PREX2: variants seen among roughly 807,000 people sequenced by gnomAD.
PREX2 encodes phosphatidylinositol-3,4,5-trisphosphate dependent Rac exchange factor 2.
Under a neutral mutation model 203.2 loss-of-function variants are expected in PREX2, and 107 were observed. The observed-to-expected ratio is 0.53, with a 90% confidence interval of 0.45 to 0.62. The LOEUF (loss-of-function observed/expected upper bound fraction) is 0.62. PREX2 is among the 20% of genes least tolerant of loss of function. The pLI is 0.00. For missense variants in PREX2, 1,777 were observed against 1,955.9 expected, an observed-to-expected ratio of 0.91 and a Z score of 1.72; for synonymous variants, 672 against 663.6, an observed-to-expected ratio of 1.01 and a Z score of -0.19.
At chr8:68,052,305 G>A (rs1163178980) in intron 8 of PREX2, among the ~76,000 whole-genome samples, 1 of 152,112 alleles carries the variant, frequency 6.6e-6, no homozygotes, top group Non-Finnish European at 1.5e-5. Context: ...GGACTGTCAT[G>A]CCAGTAAAGG....
At chr8:68,188,495 G>A (rs1257894489) in intron 35 of PREX2, among the ~76,000 whole-genome samples, 1 of 152,110 alleles carries the variant, frequency 6.6e-6, no homozygotes, top group Non-Finnish European at 1.5e-5. Flanking sequence ...ATGCCCAAAG[G>A]AATGCCATTG....
intron 1 of PREX2, among the ~76,000 whole-genome samples, chr8:68,011,348 C>CT (rs1258964481): frequency 6.6e-6 from 1 of 151,792 alleles, no homozygotes; most frequent in African/African-American, 2.4e-5. Context: ...TTGACAAAAC[C>CT]TTAAGAGTGT....
chr8:67,980,826 A>G (rs1403606714), intron 1 of PREX2, among the ~76,000 whole-genome samples: 1 of 152,168 alleles, frequency 6.6e-6, no homozygotes. Flanking sequence ...TTCTGTCATG[A>G]TCGTAAGTTT....
At chr8:68,021,610 T>G (rs1301938959) in intron 3 of PREX2, among the ~76,000 whole-genome samples, 2 of 152,236 alleles carry the variant, frequency 1.3e-5, no homozygotes, top group Non-Finnish European at 2.9e-5. Flanking sequence ...TCTCCCTGCC[T>G]AGGAATCATG....
intron 1 of PREX2, among the ~76,000 whole-genome samples, chr8:68,007,241 A>C (rs945975602): frequency 3.9e-5 from 6 of 152,196 alleles, no homozygotes; most frequent in Non-Finnish European, 8.8e-5. Context: ...AGGTTTTCAC[A>C]GTTGAGCTTA....
intron 7 of PREX2, among the ~76,000 whole-genome samples, chr8:68,040,688 C>A (rs967829126): frequency 1.3e-5 from 2 of 152,128 alleles, no homozygotes; most frequent in Admixed American, 6.6e-5. Context: ...CTTGCTATTT[C>A]TTTCATTATT....
At chr8:68,062,199 C>A (rs1251360556) in intron 11 of PREX2, among the ~76,000 whole-genome samples, 1 of 152,098 alleles carries the variant, frequency 6.6e-6, no homozygotes, top group East Asian at 1.9e-4. Flanking sequence ...TGAATTCTGT[C>A]CCTTTCAGCA....
chr8:67,972,879 G>T (rs1395949693), intron 1 of PREX2, among the ~76,000 whole-genome samples: 1 of 152,012 alleles, frequency 6.6e-6, no homozygotes, highest in African/African-American at 2.4e-5. Context: ...ACATTCCATT[G>T]TATGTCTCAC....
intron 35 of PREX2, among the ~76,000 whole-genome samples, chr8:68,189,068 T>C (rs531888335): frequency 1.3e-5 from 2 of 152,164 alleles, no homozygotes; most frequent in Non-Finnish European, 2.9e-5. Flanking sequence ...ACAGGAGGCT[T>C]CCACTGTATT....
intron 1 of PREX2, among the ~76,000 whole-genome samples, chr8:67,988,836 G>A (rs567663800): frequency 3.9e-5 from 6 of 152,360 alleles, no homozygotes; most frequent in Admixed American, 1.3e-4. Context: ...CCACCCCATG[G>A]ACTGTGAGAC....
intron 37 of PREX2, among the ~76,000 whole-genome samples, chr8:68,209,324 A>G (rs1812702504): frequency 6.6e-6 from 1 of 152,212 alleles, no homozygotes. Context: ...TGTTTGCTAT[A>G]GTCATTTGAA....
chr8:68,216,033 C>A (rs908488574), intron 37 of PREX2, among the ~76,000 whole-genome samples: 2 of 152,176 alleles, frequency 1.3e-5, no homozygotes, highest in Admixed American at 1.3e-4. Flanking sequence ...ATAATGAATT[C>A]TCTGTAATGA....
intron 31 of PREX2, among the ~76,000 whole-genome samples, chr8:68,133,133 G>A (rs555267351): frequency 1.5e-4 from 23 of 152,262 alleles, no homozygotes; most frequent in Admixed American, 8.5e-4. Flanking sequence ...CTTACATGGC[G>A]GCAGGCAAGA....
chr8:68,072,562 A>T lies in PREX2; in HGVS notation c.1561A>T (p.Ile521Phe). 1 of 1,573,940 alleles carries T rather than the reference A, an allele frequency of 6.4e-7. No individual in the cohort carries two copies. The highest frequency in any genetic ancestry group is 8.7e-7 in the Non-Finnish European group (1 of 1,144,216). Residue 521 changes from isoleucine to phenylalanine, a missense_variant, in exon 14 of 40, where the codon ATT (isoleucine) becomes TTT (phenylalanine). Coordinates refer to ENST00000288368, the MANE Select transcript of PREX2 (RefSeq NM_024870.4). ...GGCCAACAAACTGATAGACTGGTTA[A>T]TTGCACAGGTAAATAGACAAATAGA... The part of the protein sequence containing the change: ...VMANKLIDWL[I>F]AQGDCRTREE...
chr8:68,154,155 GT>G (rs1811495716), intron 34 of PREX2, among the ~76,000 whole-genome samples: 1 of 152,138 alleles, frequency 6.6e-6, no homozygotes, highest in South Asian at 2.1e-4. Context: ...ACAAATCAAA[GT>G]GTTTTTGCAT....
At chr8:68,176,197 A>G (rs1426436850) in intron 35 of PREX2, among the ~76,000 whole-genome samples, 2 of 152,202 alleles carry the variant, frequency 1.3e-5, no homozygotes, top group Admixed American at 6.5e-5. Flanking sequence ...AGAAAACACA[A>G]TGAGAGATGA....
chr8:68,006,599 G>A (rs1434391797), intron 1 of PREX2, among the ~76,000 whole-genome samples: 2 of 152,018 alleles, frequency 1.3e-5, no homozygotes, highest in African/African-American at 2.4e-5. Context: ...TGAGCCACTT[G>A]GGGCCTCCAG....
rs1419063053 is a variant in PREX2 at position 68,236,015 on chromosome 8, T to G, written c.*4637T>G. On this transcript the variant is annotated 3_prime_UTR_variant, in exon 40 of 40. Transcript: ENST00000288368. ...TATATGCCTATATATATTATTATAT[T>G]TACTAGTGTTTGTGATAATGTTATA... 6.6e-6 allele frequency: 1 copy of G among 152,170 alleles called. No individual in the cohort carries two copies. The highest frequency in any genetic ancestry group is 2.4e-5 in the African/African-American group (1 of 41,446). The allele number at this position is 152,170 out of a possible 1,614,324, so 9.4% of individuals were successfully genotyped here.
At chr8:68,229,968 G>A (rs973098760) in intron 39 of PREX2, among the ~76,000 whole-genome samples, 4 of 152,188 alleles carry the variant, frequency 2.6e-5, no homozygotes, top group Admixed American at 2.6e-4. Context: ...TCTTTTCTCT[G>A]GGAAGGATGA....
Sources: allele counts gnomAD v4.1 joint callset (sites outside exome capture counted in the v4.1 genomes callset), GRCh38; gene constraint gnomAD v4.1.1; transcripts MANE v1.5; gene names NCBI Gene and HGNC (gene_info 2026-07-23, HGNC 2026-07-21).